The following MYH16 variants were observed in gnomAD, a reference collection of about 807,000 sequenced individuals.
MYH16 encodes the protein putative uncharacterized protein MYH16.
intron 1 of MYH16, among the ~76,000 whole-genome samples, chr7:99,239,364 T>G (rs1791636331): frequency 6.6e-6 from 1 of 152,216 alleles, no homozygotes; most frequent in Non-Finnish European, 1.5e-5. Context: ...GAAGCTATTT[T>G]CTAAGCATGA....
intron 20 of MYH16, among the ~76,000 whole-genome samples, chr7:99,273,728 A>G (rs1792075070): frequency 6.6e-6 from 1 of 151,928 alleles, no homozygotes; most frequent in African/African-American, 2.4e-5. Context: ...ACCCCATTTC[A>G]AAAGAAAAGA....
intron 25 of MYH16, among the ~76,000 whole-genome samples, chr7:99,284,369 T>G (rs1792247044): frequency 6.6e-6 from 1 of 152,148 alleles, no homozygotes; most frequent in South Asian, 2.1e-4. Flanking sequence ...GGCAGGAGGA[T>G]GGCTTGAGGC....
chr7:99,248,303 T>A (rs1332137047), intron 3 of MYH16, among the ~76,000 whole-genome samples: 2 of 152,204 alleles, frequency 1.3e-5, no homozygotes, highest in Non-Finnish European at 2.9e-5. Flanking sequence ...GGTTTCATCA[T>A]GTTGGCCAGG....
chr7:99,251,394 C>T (rs976332312), intron 6 of MYH16, among the ~76,000 whole-genome samples: 8 of 152,182 alleles, frequency 5.3e-5, no homozygotes, highest in Admixed American at 2.6e-4. Context: ...AATAATCCCT[C>T]GTGGAATTCA....
At chr7:99,247,130 A>G (rs1451875652) in intron 2 of MYH16, among the ~76,000 whole-genome samples, 1 of 152,142 alleles carries the variant, frequency 6.6e-6, no homozygotes, top group East Asian at 1.9e-4. Flanking sequence ...ATGAACACAG[A>G]CTCAGATAGT....
At chr7:99,302,299 C>CAAA (rs1267029344) in intron 38 of MYH16, among the ~76,000 whole-genome samples, 3,270 of 87,272 alleles carry the variant, frequency 0.037, 247 homozygotes, top group African/African-American at 0.091. Context: ...GTGACCATCT[C>CAAA]AAAAAAAAAA....
chr7:99,259,083 C>G (rs1414722607), intron 11 of MYH16, among the ~76,000 whole-genome samples: 1 of 152,136 alleles, frequency 6.6e-6, no homozygotes, highest in African/African-American at 2.4e-5. Context: ...ATCATGAGAA[C>G]AGCATGAAGG....
exon 33 of MYH16, chr7:99,294,103 CAG>C (rs762074604): frequency 3.1e-5 from 14 of 456,180 alleles, no homozygotes; most frequent in Non-Finnish European, 5.3e-5. Context: ...GAAAAATAAG[CAG>C]AGACTCCAGG....
chr7:99,268,076 C>T (rs1792005095), intron 18 of MYH16, among the ~76,000 whole-genome samples: 1 of 152,202 alleles, frequency 6.6e-6, no homozygotes, highest in South Asian at 2.1e-4. Flanking sequence ...TAGGGACACA[C>T]AGTGAAGAGA....
rs573067191 is a variant in MYH16, at chr7:99,259,929, T to C, written n.1405-235T>C. ...TGGACTTTGGGTCTGAACATCATAC[T>C]GTGTGGCCCGAGGCATGTGTTAAAC... On this transcript the variant is annotated intron_variant and non_coding_transcript_variant, in intron 11 of 41. Coordinates refer to ENST00000439784, the Ensembl canonical transcript of MYH16. 1.2e-4 allele frequency among the ~76,000 whole-genome samples: 18 copies of C among 151,950 alleles called. No individual in the cohort carries two copies. In the East Asian group the frequency reaches 3.1e-3, roughly 26 times the overall value.
At chr7:99,240,898 T>C (rs970506417) in intron 1 of MYH16, among the ~76,000 whole-genome samples, 4 of 152,066 alleles carry the variant, frequency 2.6e-5, no homozygotes, top group African/African-American at 4.8e-5. Flanking sequence ...AGCTGTATTT[T>C]TCTCTGCGCC....
chr7:99,266,529 ATGATAAAAAACC>A (rs1359503193), intron 17 of MYH16, among the ~76,000 whole-genome samples: 1 of 152,190 alleles, frequency 6.6e-6, no homozygotes, highest in Non-Finnish European at 1.5e-5. Flanking sequence ...CTCCCAGGTC[ATGATAAAAAACC>A]TGTTTGCTGA....
intron 7 of MYH16, chr7:99,253,081 CATA>C (rs1791829848): frequency 6.6e-6 from 1 of 152,186 alleles, no homozygotes; most frequent in South Asian, 2.1e-4. Context: ...GCCTGGGCAA[CATA>C]ATAAGATCCC....
At chr7:99,290,994 A>G (rs1279372523) in intron 30 of MYH16, 1 of 159,450 alleles carries the variant, frequency 6.3e-6, no homozygotes, top group Non-Finnish European at 1.4e-5. Flanking sequence ...TGTGACAAAT[A>G]CATTTTACAA....
intron 21 of MYH16, among the ~76,000 whole-genome samples, 152 bp from the exon 4 acceptor site, chr7:99,279,358 C>CAAA (rs35683727): frequency 2.6e-4 from 12 of 45,870 alleles, no homozygotes; most frequent in African/African-American, 7.9e-4. Context: ...AACCCTGACT[C>CAAA]AAAAAAAAAA....
rs201230482 is a variant in MYH16 at position 99,302,317 on chromosome 7, TACACACACACACACACACACAC to T, written n.5137+539_5137+560del. On this transcript the variant is annotated intron_variant and non_coding_transcript_variant, in intron 38 of 41. Coordinates refer to ENST00000439784, the Ensembl canonical transcript of MYH16. Reference sequence around the variant, plus strand: ...ACCATCTCAAAAAAAAAAAAATATATACACACACACACACACACACACACACACACACACACACACACACACA... The same window carrying T: ...ACCATCTCAAAAAAAAAAAAATATATACACACACACACACACACACACACA... Among the ~76,000 whole-genome samples, 7 of 95,568 alleles carry T rather than the reference TACACACACACACACACACACAC, an allele frequency of 7.3e-5. No homozygotes were observed. The East Asian group carries it at 8.4e-4, about 12-fold the overall frequency. 62.7% of individuals were successfully genotyped at this position (95,568 alleles called of 152,430 possible). A position where few individuals can be genotyped will look rare whatever the true frequency, so the allele number is the denominator to read the frequency against.
At chr7:99,299,086 TAA>T (rs61193729) in intron 36 of MYH16, among the ~76,000 whole-genome samples, 20 of 144,888 alleles carry the variant, frequency 1.4e-4, no homozygotes, top group African/African-American at 5.0e-4. Flanking sequence ...AAAATAAAAA[TAA>T]AAAAAAAAAA....
intron 1 of MYH16, chr7:99,239,133 A>G (rs1216625899): frequency 6.6e-6 from 1 of 152,454 alleles, no homozygotes; most frequent in Non-Finnish European, 1.5e-5. Flanking sequence ...TGGCAGAAAG[A>G]GCAGGTGCCT....
intron 32 of MYH16, among the ~76,000 whole-genome samples, chr7:99,292,875 G>T (rs916123155): frequency 1.3e-5 from 2 of 151,744 alleles, no homozygotes; most frequent in Non-Finnish European, 2.9e-5. Context: ...TGAGAGGATT[G>T]CTTGAGCCCA....
Sources: gnomAD v4.1 joint callset for allele counts (sites outside exome capture counted in the v4.1 genomes callset) on GRCh38, gnomAD v4.1.1 for gene constraint, MANE v1.5 for transcripts, NCBI Gene and HGNC (gene_info 2026-07-23, HGNC 2026-07-21) for gene names.